The following GLRX5 variants were observed in gnomAD, a reference collection of about 807,000 sequenced individuals.
The protein encoded by GLRX5 is glutaredoxin 5, also known as glutaredoxin-related protein 5, mitochondrial.
A neutral mutation model predicts 13.8 loss-of-function variants in GLRX5; 10 were observed. The observed-to-expected ratio is 0.72, with a 90% CI of 0.45 to 1.23. GLRX5 has a LOEUF of 1.23. Among genes scored for constraint, GLRX5 ranks in the 50% most tolerant of loss-of-function variants. The pLI is 0.00. For synonymous variants in GLRX5, 98 were observed against 101.1 expected, an observed-to-expected ratio of 0.97 and a Z score of 0.18; for missense variants, 233 against 215.2, an observed-to-expected ratio of 1.08 and a Z score of -0.52.
intron 1 of GLRX5, among the ~76,000 whole-genome samples, chr14:95,535,916 C>T (rs1891368798): frequency 6.6e-6 from 1 of 152,112 alleles, no homozygotes; most frequent in South Asian, 2.1e-4. Context: ...GCTTGGCTCA[C>T]GGCTCAGGGT....
At position 95,535,058 on chromosome 14, in the gene GLRX5, G is replaced by T. The variant is rs1473326652; in HGVS notation, c.-32G>T. On this transcript the variant is annotated 5_prime_UTR_variant, in exon 1 of 2. Transcript: ENST00000331334. ...GCTCTGGGTGGCCAGCTGTGGGCCC[G>T]GGCCGTCGTGGGCTCCGGCTTGCGT... 4 of 1,326,054 alleles carry T rather than the reference G, an allele frequency of 3.0e-6. No individual in the cohort carries two copies. Among genetic ancestry groups the T allele is most frequent in the South Asian group, 3.0e-5 (2 of 66,356 alleles). The allele number at this position is 1,326,054 out of a possible 1,614,324, so 82.1% of individuals were successfully genotyped here.
At chr14:95,535,526 G>A (rs1891356618) in intron 1 of GLRX5, 142 bp downstream of exon 1, 1 of 781,038 alleles carries the variant, frequency 1.3e-6, no homozygotes, top group Non-Finnish European at 2.1e-6. Flanking sequence ...CCGGGTTAGG[G>A]CGAGGAGTAC....
In GLRX5 at chr14:95,535,067, T is replaced by C; in HGVS notation, c.-23T>C. On this transcript the variant is annotated 5_prime_UTR_variant, in exon 1 of 2. Coordinates refer to ENST00000331334, the MANE Select transcript of GLRX5 (RefSeq NM_016417.3). Reference sequence around the variant, plus strand: ...GGCCAGCTGTGGGCCCGGGCCGTCGTGGGCTCCGGCTTGCGTGCGGAGATG... The same window carrying C: ...GGCCAGCTGTGGGCCCGGGCCGTCGCGGGCTCCGGCTTGCGTGCGGAGATG... The C allele has an allele frequency of 7.5e-7, 1 of 1,334,352 alleles. No homozygotes were observed. The highest frequency in any genetic ancestry group is 9.7e-7 in the Non-Finnish European group (1 of 1,030,828). The allele number at this position is 1,334,352 out of a possible 1,614,324, so 82.7% of individuals were successfully genotyped here.
At chr14:95,538,297 A>G (rs1162703983) in intron 1 of GLRX5, among the ~76,000 whole-genome samples, 2 of 152,260 alleles carry the variant, frequency 1.3e-5, no homozygotes, top group African/African-American at 4.8e-5. Context: ...GCGGCCTTAA[A>G]GGCATTATAA....
intron 1 of GLRX5, among the ~76,000 whole-genome samples, chr14:95,541,465 C>G (rs1008170851): frequency 1.3e-5 from 2 of 152,228 alleles, no homozygotes; most frequent in African/African-American, 4.8e-5. Flanking sequence ...TGCCAGCTGC[C>G]TATTACACCT....
chr14:95,542,356 A>G (rs1041382679), intron 1 of GLRX5, among the ~76,000 whole-genome samples: 4 of 152,250 alleles, frequency 2.6e-5, no homozygotes, highest in Non-Finnish European at 4.4e-5. Context: ...ACTAGCACCC[A>G]GAGTGGCTGA....
In GLRX5 at chr14:95,544,688, ATTC is replaced by A. The variant is rs1414980116; in HGVS notation, c.*568_*570del. On this transcript the variant is annotated 3_prime_UTR_variant, in exon 2 of 2. Coordinates refer to ENST00000331334, the MANE Select transcript of GLRX5 (RefSeq NM_016417.3). ...TGTGGGAAGTAAGGGTGAGTCTCATATTCTTCTATTAAATTTGCCACAAGAATT... is the reference window on the plus strand; with the variant it reads ...TGTGGGAAGTAAGGGTGAGTCTCATATTCTATTAAATTTGCCACAAGAATT... 1.9e-5 allele frequency: 3 copies of A among 154,630 alleles called. No homozygotes were observed. Among genetic ancestry groups the A allele is most frequent in the African/African-American group, 7.2e-5 (3 of 41,456 alleles). The allele number at this position is 154,630 out of a possible 1,614,324, so 9.6% of individuals were successfully genotyped here. A position where few individuals can be genotyped will look rare whatever the true frequency, so the allele number is the denominator to read the frequency against.
intron 1 of GLRX5, among the ~76,000 whole-genome samples, chr14:95,539,238 C>T (rs1891432573): frequency 1.3e-5 from 2 of 152,208 alleles, no homozygotes; most frequent in African/African-American, 4.8e-5. Flanking sequence ...AAAACCAGTC[C>T]CTGGTGCCAA....
Position 95,544,282 on chromosome 14 carries a change from T to A in GLRX5, c.*157T>A. 1.5e-6 allele frequency: 1 copy of A among 674,002 alleles called. No homozygotes were observed. The allele number at this position is 674,002 out of a possible 1,614,324, so 41.8% of individuals were successfully genotyped here. A position where few individuals can be genotyped will look rare whatever the true frequency, so the allele number is the denominator to read the frequency against. On this transcript the variant is annotated 3_prime_UTR_variant, in exon 2 of 2. Transcript: ENST00000331334. ...CAGTTGGTGATTTTAGTTGGTCTGG[T>A]GTTCGGGCTAAGAATATTTTATTGT...
chr14:95,538,110 T>A (rs1435275767), intron 1 of GLRX5, among the ~76,000 whole-genome samples: 6 of 143,238 alleles, frequency 4.2e-5, no homozygotes, highest in African/African-American at 1.6e-4. Context: ...TTTTTTTTTT[T>A]AACACATTGA....
chr14:95,535,490 C>A, intron 1 of GLRX5, 106 bp downstream of exon 1: 1 of 1,121,718 alleles, frequency 8.9e-7, no homozygotes, highest in Non-Finnish European at 1.3e-6. Context: ...GGGCTCCATC[C>A]GCCGGGGTCT....
rs1891493476 is a variant in GLRX5 at position 95,542,861 on chromosome 14, T to C, written c.296-1086T>C. 6 of 345,650 alleles carry C rather than the reference T, an allele frequency of 1.7e-5. 1 individual carries two copies. Among genetic ancestry groups the C allele is most frequent in the Non-Finnish European group, 1.2e-5 (2 of 172,832 alleles). 21.4% of individuals were successfully genotyped at this position (345,650 alleles called of 1,614,324 possible). A position where few individuals can be genotyped will look rare whatever the true frequency, so the allele number is the denominator to read the frequency against. On this transcript the variant is annotated intron_variant, in intron 1 of 1. Coordinates refer to ENST00000331334, the MANE Select transcript of GLRX5 (RefSeq NM_016417.3). ...GCCGACTATGTTTTTGAAAGCACAG[T>C]CATCTCAACATACAAGTAGAAAAGG...
Position 95,535,103 on chromosome 14 carries a change from T to C in GLRX5, c.14T>C (p.Leu5Pro), listed in dbSNP as rs573438674. MSGSLGRAAAALLRW... is the reference protein window; with the variant it reads MSGSPGRAAAALLRW... ...TTGCGTGCGGAGATGAGCGGGTCCC[T>C]CGGCCGAGCTGCGGCGGCTCTGCTC... Residue 5 changes from leucine to proline, a missense_variant, in exon 1 of 2, where the codon CTC (leucine) becomes CCC (proline). Leu to Pro is a moderately conservative substitution (Grantham distance 98). Transcript: ENST00000331334. 2.0e-4 allele frequency: 263 copies of C among 1,314,740 alleles called. 2 individuals carry two copies. The highest frequency in any genetic ancestry group is 3.0e-4 in the Middle Eastern group (1 of 3,308). 81.4% of individuals were successfully genotyped at this position (1,314,740 alleles called of 1,614,324 possible). A position where few individuals can be genotyped will look rare whatever the true frequency, so the allele number is the denominator to read the frequency against.
At chr14:95,539,959 G>C (rs555170137) in intron 1 of GLRX5, among the ~76,000 whole-genome samples, 1 of 151,482 alleles carries the variant, frequency 6.6e-6, no homozygotes, top group African/African-American at 2.4e-5. Context: ...GGGCAATCTC[G>C]GCTCACTGCC....
chr14:95,538,941 G>A (rs557718772), intron 1 of GLRX5, among the ~76,000 whole-genome samples: 45 of 152,358 alleles, frequency 3.0e-4, no homozygotes, highest in Non-Finnish European at 5.7e-4. Flanking sequence ...CTGCATGTGT[G>A]TGTTAGGACA....
chr14:95,537,994 T>C (rs979666055), intron 1 of GLRX5, among the ~76,000 whole-genome samples: 2 of 152,234 alleles, frequency 1.3e-5, no homozygotes, highest in Admixed American at 1.3e-4. Flanking sequence ...AAGGAACTTA[T>C]GCTCATGGAA....
At chr14:95,541,609 C>T (rs1269946303) in intron 1 of GLRX5, among the ~76,000 whole-genome samples, 1 of 152,208 alleles carries the variant, frequency 6.6e-6, no homozygotes, top group Non-Finnish European at 1.5e-5. Flanking sequence ...TTGAGAATGT[C>T]TGAAAGCCTG....
intron 1 of GLRX5, among the ~76,000 whole-genome samples, chr14:95,541,499 A>G (rs1891472340): frequency 6.6e-6 from 1 of 152,228 alleles, no homozygotes; most frequent in Non-Finnish European, 1.5e-5. Flanking sequence ...TTAAAGAAGC[A>G]GCTAAGTTTA....
chr14:95,543,434 A>G (rs150617771), intron 1 of GLRX5: 142 of 317,114 alleles, frequency 4.5e-4, no homozygotes, highest in African/African-American at 2.9e-3. Context: ...AAAAGTGCAC[A>G]GGTGGGATTG....
Sources: gnomAD v4.1 joint callset for allele counts (sites outside exome capture counted in the v4.1 genomes callset) on GRCh38, gnomAD v4.1.1 for gene constraint, MANE v1.5 for transcripts, NCBI Gene and HGNC (gene_info 2026-07-23, HGNC 2026-07-21) for gene names.